MYL12B: variants seen among roughly 807,000 people sequenced by gnomAD.
MYL12B encodes the protein myosin light chain 12B.
Under a neutral mutation model 12.9 loss-of-function variants are expected in MYL12B, and 3 were observed. The ratio of observed to expected loss-of-function variants is 0.23; its 90% CI spans 0.11 to 0.60. MYL12B has a LOEUF of 0.60. Among genes scored for constraint, MYL12B ranks in the 20% least tolerant of loss-of-function variants. MYL12B has a pLI of 0.89. For missense variants in MYL12B, 120 were observed against 215.4 expected (o/e 0.56, Z 2.77); for synonymous variants, 57 against 71.9 (o/e 0.79, Z 1.05).
chr18:3,276,991 TTAATGAAAAA>T, intron 2 of MYL12B: 1 of 984,478 alleles, frequency 1.0e-6, no homozygotes, highest in Non-Finnish European at 1.2e-6. Context: ...TGTTTTGTTT[TTAATGAAAAA>T]TAATGAACAG....
chr18:3,275,282 A>G (rs533752991), intron 2 of MYL12B, among the ~76,000 whole-genome samples: 2 of 152,306 alleles, frequency 1.3e-5, no homozygotes, highest in East Asian at 3.9e-4. Flanking sequence ...GAACTCATGG[A>G]GATGGAAAGT....
intron 2 of MYL12B, among the ~76,000 whole-genome samples, chr18:3,275,583 C>T (rs966996674): frequency 1.3e-5 from 2 of 152,120 alleles, no homozygotes; most frequent in African/African-American, 4.8e-5. Context: ...AATATATACA[C>T]CTCTTGTGTA....
At chr18:3,275,066 G>A (rs1239933033) in intron 2 of MYL12B, among the ~76,000 whole-genome samples, 7 of 151,750 alleles carry the variant, frequency 4.6e-5, no homozygotes, top group Admixed American at 6.6e-5. Context: ...TGAAAACACC[G>A]TAAGTGTCCG....
At chr18:3,273,403 C>T (rs1598809178) in intron 2 of MYL12B, among the ~76,000 whole-genome samples, 2 of 152,080 alleles carry the variant, frequency 1.3e-5, no homozygotes, top group Non-Finnish European at 2.9e-5. Context: ...AAATAATATA[C>T]TTAATAAAGG....
intron 1 of MYL12B, among the ~76,000 whole-genome samples, chr18:3,264,972 A>G (rs1057386913): frequency 1.3e-5 from 2 of 152,182 alleles, no homozygotes; most frequent in Admixed American, 1.3e-4. Context: ...AGTAAAACAA[A>G]ATGATATAGG....
intron 2 of MYL12B, among the ~76,000 whole-genome samples, chr18:3,274,819 A>G (rs187598768): frequency 2.6e-5 from 4 of 152,328 alleles, no homozygotes; most frequent in Admixed American, 2.6e-4. Context: ...TTGCTTTAAC[A>G]TATGTATTTA....
At chr18:3,276,176 T>A (rs1203102687) in intron 2 of MYL12B, among the ~76,000 whole-genome samples, 2 of 151,524 alleles carry the variant, frequency 1.3e-5, no homozygotes, top group Non-Finnish European at 2.9e-5. Flanking sequence ...ATGTTAGACT[T>A]TTTTAAAAAA....
At chr18:3,269,671 A>G (rs2081661807) in intron 1 of MYL12B, among the ~76,000 whole-genome samples, 1 of 152,204 alleles carries the variant, frequency 6.6e-6, no homozygotes, top group African/African-American at 2.4e-5. Flanking sequence ...AGGTGCAGGC[A>G]TTGTCATAAC....
At chr18:3,265,914 T>C (rs1172065765) in intron 1 of MYL12B, among the ~76,000 whole-genome samples, 4 of 152,140 alleles carry the variant, frequency 2.6e-5, no homozygotes, top group Non-Finnish European at 1.5e-5. Flanking sequence ...GACTTTAAAC[T>C]TTTCTGTTCA....
intron 2 of MYL12B, 75 bp downstream of exon 2, chr18:3,273,157 A>C: frequency 7.1e-7 from 1 of 1,415,574 alleles, no homozygotes; most frequent in South Asian, 1.6e-5. Context: ...TTTTTGTGCG[A>C]TGTACAAATA....
At chr18:3,268,384 G>A (rs192093989) in intron 1 of MYL12B, among the ~76,000 whole-genome samples, 1 of 149,506 alleles carries the variant, frequency 6.7e-6, no homozygotes, top group Non-Finnish European at 1.5e-5. Flanking sequence ...TTAGTTTTTT[G>A]TGTTTTTGTT....
chr18:3,264,322 G>A (rs1017727803), intron 1 of MYL12B, among the ~76,000 whole-genome samples: 1 of 152,036 alleles, frequency 6.6e-6, no homozygotes, highest in Non-Finnish European at 1.5e-5. Context: ...ATATGTATTT[G>A]CTTAACTAGG....
intron 1 of MYL12B, among the ~76,000 whole-genome samples, chr18:3,267,749 G>A (rs766927950): frequency 5.9e-5 from 9 of 151,960 alleles, no homozygotes; most frequent in Non-Finnish European, 1.2e-4. Flanking sequence ...AAACTTTATC[G>A]TAGGTATGTA....
chr18:3,274,477 C>T (rs1281361328), intron 2 of MYL12B, among the ~76,000 whole-genome samples: 1 of 152,048 alleles, frequency 6.6e-6, no homozygotes, highest in Non-Finnish European at 1.5e-5. Context: ...CCCAGAATCA[C>T]AGCAGATTCA....
At position 3,277,959 on chromosome 18, in the gene MYL12B, C is replaced by A. The variant is rs780772250; in HGVS notation, c.*22C>A. ...CTGAAAGAACTTTAGCTAAAATCTT[C>A]CAGTTACATTGTCTTACTCTCTTTT... is the stretch of plus-strand genomic sequence containing the variant. On this transcript the variant is annotated 3_prime_UTR_variant, in exon 4 of 4. Transcript: ENST00000237500. The A allele has an allele frequency of 1.2e-6, 2 of 1,609,138 alleles. No individual in the cohort carries two copies. The highest frequency in any genetic ancestry group is 1.7e-6 in the Non-Finnish European group (2 of 1,177,456).
chr18:3,274,298 A>G (rs1463966034), intron 2 of MYL12B, among the ~76,000 whole-genome samples: 1 of 152,228 alleles, frequency 6.6e-6, no homozygotes, highest in Non-Finnish European at 1.5e-5. Context: ...TAGATGCTCA[A>G]TAGATATTTG....
At position 3,272,613 on chromosome 18, in the gene MYL12B, C is replaced by T. The variant is rs1256391920; in HGVS notation, c.-15-271C>T. Among the ~76,000 whole-genome samples the T allele has an allele frequency of 2.0e-5, 3 of 152,160 alleles. No individual in the cohort carries two copies. The East Asian group carries it at 5.8e-4, about 29-fold the overall frequency. ...TCCTAGTCTCAAGTGAGCCTCCCACCTTGGCCTCCCAAAGTGTTGGGATTA... is the reference window on the plus strand; with the variant it reads ...TCCTAGTCTCAAGTGAGCCTCCCACTTTGGCCTCCCAAAGTGTTGGGATTA... On this transcript the variant is annotated intron_variant, in intron 1 of 3. Transcript: ENST00000237500.
intron 1 of MYL12B, among the ~76,000 whole-genome samples, chr18:3,266,666 G>C (rs1301326859): frequency 2.6e-5 from 4 of 152,172 alleles, no homozygotes. Flanking sequence ...CCAGGATGCT[G>C]GTCAAGTGAT....
intron 2 of MYL12B, among the ~76,000 whole-genome samples, chr18:3,273,607 G>C (rs1567991601): frequency 1.3e-5 from 2 of 152,168 alleles, no homozygotes; most frequent in Non-Finnish European, 2.9e-5. Context: ...GTTGGTATAT[G>C]GGTGTTAATA....
Sources: gnomAD v4.1 joint callset for allele counts (sites outside exome capture counted in the v4.1 genomes callset) on GRCh38, gnomAD v4.1.1 for gene constraint, MANE v1.5 for transcripts, NCBI Gene and HGNC (gene_info 2026-07-23, HGNC 2026-07-21) for gene names.